Variants in TOMM20 observed in about 807,000 individuals in gnomAD.
TOMM20 encodes mitochondrial import receptor subunit TOM20 homolog.
Under a neutral mutation model 22.1 loss-of-function variants are expected in TOMM20, and 10 were observed. That is an observed-to-expected ratio of 0.45 (90% CI 0.28 to 0.77). The LOEUF (loss-of-function observed/expected upper bound fraction) is 0.77. TOMM20 is among the 30% of genes least tolerant of loss of function. TOMM20 has a pLI of 0.13. For missense variants in TOMM20, 121 were observed against 172.2 expected (o/e 0.70, Z 1.66); for synonymous variants, 55 against 61.4 (o/e 0.90, Z 0.49).
At chr1:235,124,972 T>A (rs1660986640) in intron 1 of TOMM20, among the ~76,000 whole-genome samples, 1 of 152,192 alleles carries the variant, frequency 6.6e-6, no homozygotes, top group Non-Finnish European at 1.5e-5. Context: ...TTAAATAAGA[T>A]GCTTAATATA....
At chr1:235,121,107 G>A (rs1457146006) in intron 2 of TOMM20, among the ~76,000 whole-genome samples, 2 of 151,662 alleles carry the variant, frequency 1.3e-5, no homozygotes, top group Non-Finnish European at 2.9e-5. Context: ...GCTGAGGCAG[G>A]AGAATCGCTT....
intron 3 of TOMM20, 102 bp from the exon 4 acceptor site, chr1:235,114,012 A>G: frequency 3.1e-6 from 4 of 1,300,128 alleles, no homozygotes; most frequent in Non-Finnish European, 4.2e-6. Context: ...AAAAACACTA[A>G]GCAAGTAAAA....
At chr1:235,125,406 G>A (rs1558130668) in intron 1 of TOMM20, among the ~76,000 whole-genome samples, 2 of 151,884 alleles carry the variant, frequency 1.3e-5, no homozygotes, top group South Asian at 2.1e-4. Context: ...TAGTAAAGAC[G>A]GGGTTTCACC....
At position 235,112,123 on chromosome 1, in the gene TOMM20, A is replaced by T. The variant is rs144220374; in HGVS notation, c.394-15T>A. On this transcript the variant is annotated splice_polypyrimidine_tract_variant and intron_variant, in intron 4 of 4. Coordinates refer to ENST00000366607, the MANE Select transcript of TOMM20 (RefSeq NM_014765.3). Reference sequence around the variant, plus strand: ...CTTACAATTCTCTGAAAGAAAAAAAAAATAATTTTTTAAAGTGTCATAAGC... The same window carrying T: ...CTTACAATTCTCTGAAAGAAAAAAATAATAATTTTTTAAAGTGTCATAAGC... The T allele has an allele frequency of 1.1e-3, 1,737 of 1,594,648 alleles. 13 individuals are homozygous for T. In the African/African-American group the frequency reaches 0.02, roughly 18 times the overall value.
intron 3 of TOMM20, among the ~76,000 whole-genome samples, chr1:235,114,664 C>A (rs1572126619): frequency 6.6e-6 from 1 of 152,112 alleles, no homozygotes; most frequent in Admixed American, 6.5e-5. Flanking sequence ...GTCTCCATCT[C>A]CTGACCACAT....
At chr1:235,126,426 C>T (rs1230302180) in intron 1 of TOMM20, among the ~76,000 whole-genome samples, 1 of 152,118 alleles carries the variant, frequency 6.6e-6, no homozygotes, top group African/African-American at 2.4e-5. Flanking sequence ...GCCACCACAC[C>T]CAGCCTCAAT....
Position 235,111,762 on chromosome 1 carries a change from A to G in TOMM20, c.*302T>C, listed in dbSNP as rs112229945. ...AAACTGAGCACTGGGTATTTTTAAC[A>G]TAAGCCATGTCATATGTACAGTTTA... On this transcript the variant is annotated 3_prime_UTR_variant, in exon 5 of 5. Transcript: ENST00000366607. 4.7e-6 allele frequency: 1 copy of G among 214,648 alleles called. No homozygotes were observed. Among genetic ancestry groups the G allele is most frequent in the African/African-American group, 2.3e-5 (1 of 43,234 alleles). The allele number at this position is 214,648 out of a possible 1,614,324, so 13.3% of individuals were successfully genotyped here. A position where few individuals can be genotyped will look rare whatever the true frequency, so the allele number is the denominator to read the frequency against.
In TOMM20 at chr1:235,111,815, C is replaced by G. The variant is rs11543205; in HGVS notation, c.*249G>C. The stretch of plus-strand genomic sequence containing the variant: ...TATGTAACTATGTTTCAGGAATAAA[C>G]AAAATCCATGATATTTTAGTAACTC... On this transcript the variant is annotated 3_prime_UTR_variant, in exon 5 of 5. Coordinates refer to ENST00000366607, the MANE Select transcript of TOMM20 (RefSeq NM_014765.3). 1 of 406,878 alleles carries G rather than the reference C, an allele frequency of 2.5e-6. No individual in the cohort carries two copies. Among genetic ancestry groups the G allele is most frequent in the African/African-American group, 2.1e-5 (1 of 47,160 alleles). The allele number at this position is 406,878 out of a possible 1,614,324, so 25.2% of individuals were successfully genotyped here.
At chr1:235,116,664 C>T (rs4314950) in intron 3 of TOMM20, among the ~76,000 whole-genome samples, 103,356 of 151,866 alleles carry the variant, frequency 0.68, 35,559 homozygotes, top group African/African-American at 0.72. Context: ...TGAGCTGAGA[C>T]TGCACCATTG....
intron 1 of TOMM20, among the ~76,000 whole-genome samples, chr1:235,126,265 T>C (rs1314637291): frequency 2.0e-5 from 3 of 151,804 alleles, no homozygotes; most frequent in Non-Finnish European, 4.4e-5. Context: ...CCCAAGCAGC[T>C]GGGACTACCG....
At chr1:235,121,296 G>T (rs1452874287) in intron 2 of TOMM20, among the ~76,000 whole-genome samples, 1 of 152,048 alleles carries the variant, frequency 6.6e-6, no homozygotes, top group Non-Finnish European at 1.5e-5. Context: ...CAACACAAGT[G>T]AAACAATTTA....
At chr1:235,115,495 T>G (rs1660813848) in intron 3 of TOMM20, among the ~76,000 whole-genome samples, 1 of 151,874 alleles carries the variant, frequency 6.6e-6, no homozygotes, top group Non-Finnish European at 1.5e-5. Context: ...GGTGTGGTGG[T>G]GCACACCTGT....
intron 1 of TOMM20, among the ~76,000 whole-genome samples, chr1:235,127,531 A>G (rs1383784425): frequency 6.6e-6 from 1 of 152,226 alleles, no homozygotes; most frequent in Non-Finnish European, 1.5e-5. Flanking sequence ...GCTACTGAAC[A>G]CTTGAAATGA....
At chr1:235,124,380 T>C (rs751482251) in intron 1 of TOMM20, among the ~76,000 whole-genome samples, 2 of 152,154 alleles carry the variant, frequency 1.3e-5, no homozygotes, top group Non-Finnish European at 2.9e-5. Flanking sequence ...CAGGTACTAT[T>C]ATCATCCCCA....
rs1443744024 is a variant in TOMM20 at position 235,128,740 on chromosome 1, C to A, written c.-25G>T. On this transcript the variant is annotated 5_prime_UTR_variant, in exon 1 of 5. Transcript: ENST00000366607. ...TCTTCTCTACAACGCTGAGCGTGGA[C>A]GGTGGCGGCAGGGACCGCGAAGGAG... 3 of 1,613,442 alleles carry A rather than the reference C, an allele frequency of 1.9e-6. No homozygotes were observed. The highest frequency in any genetic ancestry group is 3.3e-5 in the Admixed American group (2 of 60,014).
chr1:235,114,486 G>A (rs1272490184), intron 3 of TOMM20, among the ~76,000 whole-genome samples: 3 of 149,900 alleles, frequency 2.0e-5, no homozygotes, highest in Admixed American at 6.7e-5. Flanking sequence ...ACCCAGGCTG[G>A]AGTGCAGTGG....
intron 3 of TOMM20, among the ~76,000 whole-genome samples, chr1:235,115,068 G>A (rs192786871): frequency 3.3e-5 from 5 of 151,450 alleles, no homozygotes; most frequent in Admixed American, 3.3e-4. Flanking sequence ...GTAGAAACGG[G>A]GTCTCACTAT....
At chr1:235,120,798 T>C (rs1660918526) in intron 2 of TOMM20, among the ~76,000 whole-genome samples, 1 of 140,100 alleles carries the variant, frequency 7.1e-6, no homozygotes, top group Admixed American at 8.0e-5. Context: ...ACCCACGAGG[T>C]CGAGGCTGCA....
At position 235,110,937 on chromosome 1, in the gene TOMM20, G is replaced by A. The variant is rs1227013643; in HGVS notation, c.*1127C>T. On this transcript the variant is annotated 3_prime_UTR_variant, in exon 5 of 5. Coordinates refer to ENST00000366607, the MANE Select transcript of TOMM20 (RefSeq NM_014765.3). ...GTCCCACCTGCTCCACTCTTTTCAA[G>A]TTTTCAGTCACAAGGTTGCAACTTA... 1 of 152,172 alleles carries A rather than the reference G, an allele frequency of 6.6e-6. No individual in the cohort carries two copies. Among genetic ancestry groups the A allele is most frequent in the Non-Finnish European group, 1.5e-5 (1 of 68,028 alleles). The allele number at this position is 152,172 out of a possible 1,614,324, so 9.4% of individuals were successfully genotyped here.
Sources: gnomAD v4.1 joint callset for allele counts (sites outside exome capture counted in the v4.1 genomes callset) on GRCh38, gnomAD v4.1.1 for gene constraint, MANE v1.5 for transcripts, NCBI Gene and HGNC (gene_info 2026-07-23, HGNC 2026-07-21) for gene names.